Variants in CACNB2 observed in about 807,000 individuals in gnomAD.
CACNB2 encodes the protein calcium voltage-gated channel auxiliary subunit beta 2.
A neutral mutation model predicts 73.3 loss-of-function variants in CACNB2; 42 were observed. The observed-to-expected ratio is 0.57, with a 90% CI of 0.45 to 0.74. The LOEUF is 0.74. Among genes scored for constraint, CACNB2 ranks in the 30% least tolerant of loss-of-function variants. CACNB2 has a pLI of 0.00. For synonymous variants in CACNB2, 348 were observed against 310.3 expected, an observed-to-expected ratio of 1.12 and a Z score of -1.28; for missense variants, 940 against 853.0, an observed-to-expected ratio of 1.10 and a Z score of -1.27.
chr10:18,414,641 C>T (rs921893232), intron 3 of CACNB2, among the ~76,000 whole-genome samples: 1 of 152,046 alleles, frequency 6.6e-6, no homozygotes, highest in African/African-American at 2.4e-5. Context: ...TGCACCACCA[C>T]AGCCTGCTAA....
At chr10:18,464,067 G>A (rs984034303) in intron 3 of CACNB2, among the ~76,000 whole-genome samples, 6 of 151,950 alleles carry the variant, frequency 3.9e-5, no homozygotes, top group Admixed American at 1.3e-4. Context: ...AGCTGTCAGC[G>A]GCCTTCACAA....
At chr10:18,284,185 G>T (rs569127120) in intron 2 of CACNB2, among the ~76,000 whole-genome samples, 3 of 152,206 alleles carry the variant, frequency 2.0e-5, no homozygotes, top group Non-Finnish European at 4.4e-5. Flanking sequence ...GCAAAGTCAC[G>T]TCTTACGTGG....
intron 3 of CACNB2, among the ~76,000 whole-genome samples, chr10:18,469,218 T>C (rs1423808777): frequency 2.6e-5 from 4 of 152,064 alleles, no homozygotes; most frequent in South Asian, 4.2e-4. Context: ...CCAGCCTGGG[T>C]GACAGAGGGA....
At chr10:18,348,486 C>A (rs901423404) in intron 2 of CACNB2, among the ~76,000 whole-genome samples, 6 of 149,408 alleles carry the variant, frequency 4.0e-5, no homozygotes, top group African/African-American at 1.0e-4. Context: ...GATGGACAGA[C>A]AGACAGACAG....
At chr10:18,218,838 C>T (rs534503951) in intron 2 of CACNB2, among the ~76,000 whole-genome samples, 1 of 151,860 alleles carries the variant, frequency 6.6e-6, no homozygotes, top group Admixed American at 6.6e-5. Context: ...TGCACCCCAG[C>T]CTGGGTGACA....
At chr10:18,492,720 A>T (rs1339887642) in intron 3 of CACNB2, among the ~76,000 whole-genome samples, 4 of 152,156 alleles carry the variant, frequency 2.6e-5, no homozygotes, top group Non-Finnish European at 5.9e-5. Flanking sequence ...ATATGAAAGA[A>T]TCTATATCAC....
intron 3 of CACNB2, among the ~76,000 whole-genome samples, chr10:18,440,324 C>T (rs185356898): frequency 1.4e-3 from 212 of 152,140 alleles, no homozygotes; most frequent in African/African-American, 4.9e-3. Flanking sequence ...ATGTTCAGTC[C>T]ATAGTAAAAA....
intron 2 of CACNB2, among the ~76,000 whole-genome samples, chr10:18,276,906 G>A (rs1377056111): frequency 1.3e-5 from 2 of 152,108 alleles, no homozygotes; most frequent in Non-Finnish European, 2.9e-5. Context: ...GAGGCCATGA[G>A]TTCAAGACCA....
At chr10:18,327,678 C>T (rs1272799635) in intron 2 of CACNB2, among the ~76,000 whole-genome samples, 3 of 152,222 alleles carry the variant, frequency 2.0e-5, no homozygotes, top group Non-Finnish European at 4.4e-5. Context: ...CCCACCTCGG[C>T]CTCCCAAAGT....
At chr10:18,185,749 A>G (rs7924106) in intron 2 of CACNB2, among the ~76,000 whole-genome samples, 1 of 152,188 alleles carries the variant, frequency 6.6e-6, no homozygotes, top group African/African-American at 2.4e-5. Flanking sequence ...CTTTCTTTGC[A>G]TACCCAGCAC....
chr10:18,177,939 T>C (rs913431328), intron 2 of CACNB2, among the ~76,000 whole-genome samples: 2 of 152,192 alleles, frequency 1.3e-5, no homozygotes, highest in Admixed American at 6.5e-5. Flanking sequence ...TTTCACAGTA[T>C]ATACGTAGGT....
chr10:18,337,643 G>T (rs916736521), intron 2 of CACNB2, among the ~76,000 whole-genome samples: 4 of 152,042 alleles, frequency 2.6e-5, no homozygotes, highest in Non-Finnish European at 5.9e-5. Flanking sequence ...TACTGATAAA[G>T]TTGCCCCTTC....
At chr10:18,355,889 G>C (rs1034345275) in intron 2 of CACNB2, among the ~76,000 whole-genome samples, 1 of 152,050 alleles carries the variant, frequency 6.6e-6, no homozygotes, top group Non-Finnish European at 1.5e-5. Context: ...ACCCGCCTCT[G>C]CCTCCCAAAA....
chr10:18,165,992 T>A (rs2032825457), intron 2 of CACNB2, among the ~76,000 whole-genome samples: 1 of 152,180 alleles, frequency 6.6e-6, no homozygotes, highest in African/African-American at 2.4e-5. Context: ...ATTAAGAAAG[T>A]TATTTAGCTT....
At chr10:18,319,020 A>G (rs1179978289) in intron 2 of CACNB2, among the ~76,000 whole-genome samples, 1 of 152,176 alleles carries the variant, frequency 6.6e-6, no homozygotes, top group African/African-American at 2.4e-5. Flanking sequence ...TAGTTCAACC[A>G]TTGTGGAAGA....
At chr10:18,473,714 G>T (rs948817853) in intron 3 of CACNB2, among the ~76,000 whole-genome samples, 2 of 152,186 alleles carry the variant, frequency 1.3e-5, no homozygotes, top group African/African-American at 4.8e-5. Context: ...TTAAATAGCC[G>T]AAGTGAAGAA....
chr10:18,300,880 T>C (rs1171575051), intron 2 of CACNB2, among the ~76,000 whole-genome samples: 2 of 151,888 alleles, frequency 1.3e-5, no homozygotes, highest in Admixed American at 6.6e-5. Context: ...GCAATCCAAA[T>C]CAACAATGAT....
intron 2 of CACNB2, among the ~76,000 whole-genome samples, chr10:18,313,413 A>C (rs1192235085): frequency 6.6e-6 from 1 of 151,324 alleles, no homozygotes; most frequent in East Asian, 1.9e-4. Flanking sequence ...ACAACCAAAA[A>C]TGTCTCCAGA....
At chr10:18,283,497 A>T (rs2131712891) in intron 2 of CACNB2, among the ~76,000 whole-genome samples, 1 of 152,200 alleles carries the variant, frequency 6.6e-6, no homozygotes, top group East Asian at 1.9e-4. Flanking sequence ...GCCATAAAAA[A>T]GGATGAGTTC....
Sources: allele counts gnomAD v4.1 joint callset (sites outside exome capture counted in the v4.1 genomes callset), GRCh38; gene constraint gnomAD v4.1.1; transcripts MANE v1.5; gene names NCBI Gene and HGNC (gene_info 2026-07-23, HGNC 2026-07-21).